The following ATP2C2 variants were observed in gnomAD, a reference collection of about 807,000 sequenced individuals.
ATP2C2 encodes ATPase secretory pathway Ca2+ transporting 2, also known as calcium-transporting ATPase type 2C member 2.
ATP2C2 carries 171 observed loss-of-function variants against 110.8 expected under a neutral mutation model. The observed-to-expected ratio is 1.54, with a 90% CI of 1.36 to 1.75. ATP2C2 has a LOEUF of 1.75. Ranked by LOEUF, ATP2C2 falls within the 40% of genes most tolerant of loss-of-function variation. The pLI, the probability that ATP2C2 is intolerant of heterozygous loss-of-function variation, is 0.00. For synonymous variants in ATP2C2, 804 were observed against 508.4 expected (o/e 1.58, Z -7.82); for missense variants, 1,963 against 1,235.0 (o/e 1.59, Z -8.84).
Position 84,444,162 on chromosome 16 carries a change from C to CAAAAAAAAAAAA in ATP2C2, c.1401+1574_1401+1585dup, listed in dbSNP as rs71151217. On this transcript the variant is annotated intron_variant, in intron 15 of 26. Transcript: ENST00000262429. ...AGTCTAGATGAGAGAGATCCTGCCTCAAAAAAAAAAAAAAAAAAAAAACAA... is the reference window on the plus strand; with the variant it reads ...AGTCTAGATGAGAGAGATCCTGCCTCAAAAAAAAAAAAAAAAAAAAAAAAAAAAAAAAAACAA... 2.4e-3 allele frequency among the ~76,000 whole-genome samples: 247 copies of CAAAAAAAAAAAA among 104,522 alleles called. 3 individuals carry two copies. Among genetic ancestry groups the CAAAAAAAAAAAA allele is most frequent in the Middle Eastern group, 5.3e-3 (1 of 188 alleles). 68.6% of individuals were successfully genotyped at this position (104,522 alleles called of 152,430 possible).
intron 1 of ATP2C2, among the ~76,000 whole-genome samples, chr16:84,390,042 G>A (rs932127708): frequency 9.9e-5 from 15 of 152,014 alleles, no homozygotes; most frequent in African/African-American, 3.4e-4. Context: ...TTTATCCCAC[G>A]GCAGCCCTGT....
chr16:84,397,943 A>G (rs908578649), intron 1 of ATP2C2, among the ~76,000 whole-genome samples: 16 of 151,960 alleles, frequency 1.1e-4, no homozygotes, highest in Admixed American at 5.9e-4. Flanking sequence ...AACCTAATCT[A>G]TGAGGATTGA....
rs544538735 is a variant in ATP2C2 at position 84,422,239 on chromosome 16, G to T, written c.625-151G>T. On this transcript the variant is annotated intron_variant, in intron 7 of 26. Coordinates refer to ENST00000262429, the MANE Select transcript of ATP2C2 (RefSeq NM_014861.4). ...ATTCAAAGCTTTTCTGATCCTGGAG[G>T]CCTCAGAGGCCGTCGTTGTGACACT... The T allele has an allele frequency of 2.1e-3, 1,597 of 775,714 alleles. 6 individuals carry two copies. The highest frequency in any genetic ancestry group is 2.9e-3 in the Non-Finnish European group (1,490 of 505,868). 48.1% of individuals were successfully genotyped at this position (775,714 alleles called of 1,614,324 possible). A position where few individuals can be genotyped will look rare whatever the true frequency, so the allele number is the denominator to read the frequency against.
rs545371353 is a variant in ATP2C2, at chr16:84,425,921, C to T, written c.986+120C>T. 47 of 1,244,468 alleles carry T rather than the reference C, an allele frequency of 3.8e-5. No homozygotes were observed. In the Admixed American group the frequency reaches 4.2e-4, roughly 11 times the overall value. The allele number at this position is 1,244,468 out of a possible 1,614,324, so 77.1% of individuals were successfully genotyped here. On this transcript the variant is annotated intron_variant, in intron 11 of 26. Coordinates refer to ENST00000262429, the MANE Select transcript of ATP2C2 (RefSeq NM_014861.4). ...AGGAAGGGTTGGGAAGGTGCAGCCC[C>T]GTCACCCAAACTCCAGCCTCCCAAT...
intron 1 of ATP2C2, among the ~76,000 whole-genome samples, chr16:84,384,388 T>A (rs1904294586): frequency 6.6e-6 from 1 of 152,196 alleles, no homozygotes; most frequent in African/African-American, 2.4e-5. Flanking sequence ...TTCCTCGGGA[T>A]TTGGCTCAGG....
intron 17 of ATP2C2, among the ~76,000 whole-genome samples, chr16:84,451,050 T>G (rs1845632611): frequency 6.6e-6 from 1 of 152,158 alleles, no homozygotes; most frequent in Non-Finnish European, 1.5e-5. Flanking sequence ...AAGACAGACC[T>G]GAGACTAGGT....
At chr16:84,461,643 C>A in intron 24 of ATP2C2, 71 bp from the exon 25 acceptor site, 2 of 1,382,696 alleles carry the variant, frequency 1.4e-6, no homozygotes, top group Non-Finnish European at 2.1e-6. Flanking sequence ...TGAGGCAGGC[C>A]TGTGCCCTTT....
At chr16:84,460,853 GC>G in intron 24 of ATP2C2, 52 bp downstream of exon 24, 1 of 1,551,380 alleles carries the variant, frequency 6.4e-7, no homozygotes, top group Non-Finnish European at 8.7e-7. Context: ...CGGTGCAGAC[GC>G]TGGGGACTGC....
Position 84,368,670 on chromosome 16 carries a change from G to T in ATP2C2, c.55G>T (p.Gly19Cys). ...FLKKLGFSGGGRQYQALEKDE... is the reference protein window; with the variant it reads ...FLKKLGFSGGCRQYQALEKDE... ...GAAGAAACTCGGCTTCTCGGGCGGGGGCCGCCAGTACCAGGCGCTGGAGAA... is the reference window on the plus strand; with the variant it reads ...GAAGAAACTCGGCTTCTCGGGCGGGTGCCGCCAGTACCAGGCGCTGGAGAA... Residue 19 changes from glycine (G) to cysteine (C), a missense_variant, in exon 1 of 27, where the codon GGC (glycine) becomes TGC (cysteine). By Grantham distance (159) the Gly-to-Cys change is radical. Transcript: ENST00000262429. 6.4e-7 allele frequency: 1 copy of T among 1,563,282 alleles called. No individual in the cohort carries two copies. The highest frequency in any genetic ancestry group is 8.6e-7 in the Non-Finnish European group (1 of 1,156,946).
intron 1 of ATP2C2, among the ~76,000 whole-genome samples, chr16:84,380,577 G>A (rs1243532879): frequency 1.3e-5 from 2 of 152,302 alleles, no homozygotes; most frequent in East Asian, 1.9e-4. Context: ...TTGCTTGGGT[G>A]TTCTTGGCCC....
chr16:84,459,024 C>G (rs1420822606), intron 21 of ATP2C2, 96 bp from the exon 22 acceptor site: 33 of 1,333,372 alleles, frequency 2.5e-5, no homozygotes, highest in Non-Finnish European at 3.4e-5. Flanking sequence ...TAACATCAAT[C>G]TGGGCGAGTC....
intron 1 of ATP2C2, among the ~76,000 whole-genome samples, chr16:84,377,099 C>G (rs1456203141): frequency 1.3e-5 from 2 of 152,098 alleles, no homozygotes; most frequent in Non-Finnish European, 2.9e-5. Context: ...TGTGCTAAGA[C>G]TGAGTGAGTA....
At chr16:84,425,258 T>C (rs1907707778) in intron 10 of ATP2C2, among the ~76,000 whole-genome samples, 1 of 152,196 alleles carries the variant, frequency 6.6e-6, no homozygotes, top group South Asian at 2.1e-4. Flanking sequence ...GTGCAGTAAC[T>C]GGTGTGCAGT....
chr16:84,442,097 A>G (rs949181335), intron 14 of ATP2C2, among the ~76,000 whole-genome samples: 4 of 151,998 alleles, frequency 2.6e-5, no homozygotes, highest in Non-Finnish European at 5.9e-5. Flanking sequence ...ATATTTATGT[A>G]TAAATTGAGG....
intron 3 of ATP2C2, among the ~76,000 whole-genome samples, chr16:84,407,749 G>T (rs1223427418): frequency 2.6e-5 from 4 of 152,180 alleles, no homozygotes; most frequent in Non-Finnish European, 5.9e-5. Flanking sequence ...TGGGATTACA[G>T]TGTGAGCCTC....
chr16:84,393,045 C>T (rs920067240), intron 1 of ATP2C2, among the ~76,000 whole-genome samples: 12 of 152,062 alleles, frequency 7.9e-5, no homozygotes, highest in African/African-American at 2.7e-4. Context: ...CAAGGTGGGC[C>T]ATTCTGGGTC....
chr16:84,399,656 G>A (rs926598228), intron 2 of ATP2C2, among the ~76,000 whole-genome samples: 1 of 152,072 alleles, frequency 6.6e-6, no homozygotes, highest in Non-Finnish European at 1.5e-5. Flanking sequence ...CATAGTAGGT[G>A]CATATTTATG....
chr16:84,440,851 C>G lies in ATP2C2; in HGVS notation c.1210-6C>G, dbSNP rs746007382. On this transcript the variant is annotated splice_region_variant and splice_polypyrimidine_tract_variant and intron_variant, in intron 13 of 26. Transcript: ENST00000262429. ...GCGAAACCCTTTCTTCTGCCTCGCC[C>G]TGCAGGTCAGCGGAGTTGGGTATGA... The G allele has an allele frequency of 6.2e-7, 1 of 1,610,676 alleles. No individual in the cohort carries two copies. Among genetic ancestry groups the G allele is most frequent in the South Asian group, 1.1e-5 (1 of 90,076 alleles).
At chr16:84,408,568 A>G (rs909038172) in intron 4 of ATP2C2, 74 bp downstream of exon 4, 3 of 1,228,790 alleles carry the variant, frequency 2.4e-6, no homozygotes, top group Non-Finnish European at 3.5e-6. Context: ...GTTATTGTAT[A>G]TAAAGAAAAA....
Sources: gnomAD v4.1 joint callset for allele counts (sites outside exome capture counted in the v4.1 genomes callset) on GRCh38, gnomAD v4.1.1 for gene constraint, MANE v1.5 for transcripts, NCBI Gene and HGNC (gene_info 2026-07-23, HGNC 2026-07-21) for gene names.